The following CAMSAP2 variants were observed in gnomAD, a reference collection of about 807,000 sequenced individuals.
The protein encoded by CAMSAP2 is calmodulin-regulated spectrin-associated protein 2.
Under a neutral mutation model 146.1 loss-of-function variants are expected in CAMSAP2, and 26 were observed. The observed-to-expected ratio is 0.18, with a 90% CI of 0.13 to 0.25. The LOEUF (loss-of-function observed/expected upper bound fraction) is 0.25, where lower values mean the gene tolerates loss of function less well. Among genes scored for constraint, CAMSAP2 ranks in the 10% least tolerant of loss-of-function variants. CAMSAP2 has a pLI of 1.00. For missense variants in CAMSAP2, 1,381 were observed against 1,759.3 expected (o/e 0.78, Z 3.85); for synonymous variants, 499 against 596.6 (o/e 0.84, Z 2.38).
chr1:200,813,236 C>T (rs965206406), intron 3 of CAMSAP2, among the ~76,000 whole-genome samples: 1 of 152,200 alleles, frequency 6.6e-6, no homozygotes, highest in Non-Finnish European at 1.5e-5. Flanking sequence ...CTTCAACCCC[C>T]TTTATAAAGG....
rs1371767288 is a variant in CAMSAP2, at chr1:200,832,533, G to A, written c.788-173G>A. Reference sequence around the variant, plus strand: ...TTTATATATAATTCTGAGGGAGGTAGTTCAAAAAAAAATAGTGCTCGGTTT... The same window carrying A: ...TTTATATATAATTCTGAGGGAGGTAATTCAAAAAAAAATAGTGCTCGGTTT... On this transcript the variant is annotated intron_variant, in intron 5 of 16. Coordinates refer to ENST00000358823, the MANE Select transcript of CAMSAP2 (RefSeq NM_203459.4). This position sits in a 1 kb window ranked among gnomAD's most constrained non-coding sequence, Gnocchi z 4.2. Among the ~76,000 whole-genome samples, 1 of 151,598 alleles carries A rather than the reference G, an allele frequency of 6.6e-6. No homozygotes were observed. The highest frequency in any genetic ancestry group is 1.5e-5 in the Non-Finnish European group (1 of 67,894).
Position 200,853,685 on chromosome 1 carries a change from A to T in CAMSAP2, c.3823+190A>T, listed in dbSNP as rs1401564132. Reference sequence around the variant, plus strand: ...TTAAATGTATTATGTGTGCATGCATATATTCAGTAGAACAAATGTGAATGC... The same window carrying T: ...TTAAATGTATTATGTGTGCATGCATTTATTCAGTAGAACAAATGTGAATGC... On this transcript the variant is annotated intron_variant, in intron 13 of 16. Coordinates refer to ENST00000358823, the MANE Select transcript of CAMSAP2 (RefSeq NM_203459.4). The surrounding 1 kb of genome is among the most constrained non-coding windows in gnomAD (Gnocchi z 5.1). Among the ~76,000 whole-genome samples, 3 of 152,260 alleles carry T rather than the reference A, an allele frequency of 2.0e-5. No individual in the cohort carries two copies. The highest frequency in any genetic ancestry group is 4.4e-5 in the Non-Finnish European group (3 of 68,042).
intron 6 of CAMSAP2, among the ~76,000 whole-genome samples, chr1:200,837,087 T>C (rs1667204312): frequency 6.6e-6 from 1 of 152,188 alleles, no homozygotes; most frequent in South Asian, 2.1e-4. Context: ...AGAAGCTTTG[T>C]AGTTTAATTA....
Position 200,828,381 on chromosome 1 carries a change from T to C in CAMSAP2, c.646-3819T>C, listed in dbSNP as rs1000998000. On this transcript the variant is annotated intron_variant, in intron 4 of 16. Coordinates refer to ENST00000358823, the MANE Select transcript of CAMSAP2 (RefSeq NM_203459.4). ...GGGAGAGGAGAGAGACAGGAGAAGA[T>C]AGTGGTCTTTAGCATTAGGAACTTA... 4.6e-5 allele frequency among the ~76,000 whole-genome samples: 7 copies of C among 152,288 alleles called. No individual in the cohort carries two copies. In the East Asian group the frequency reaches 1.2e-3, roughly 25 times the overall value.
At position 200,859,608 on chromosome 1, in the gene CAMSAP2, G is replaced by A. The variant is rs747946440; in HGVS notation, c.*1549G>A. On this transcript the variant is annotated 3_prime_UTR_variant, in exon 17 of 17. Coordinates refer to ENST00000358823, the MANE Select transcript of CAMSAP2 (RefSeq NM_203459.4). ...GTTAAAACTGTAAAAAAATTTCACA[G>A]ATTTTTTTCCAATACCTGTGCAAGA... 5.3e-5 allele frequency: 8 copies of A among 152,178 alleles called. No individual in the cohort carries two copies. Among genetic ancestry groups the A allele is most frequent in the Non-Finnish European group, 8.8e-5 (6 of 67,886 alleles). The allele number at this position is 152,178 out of a possible 1,614,324, so 9.4% of individuals were successfully genotyped here. A position where few individuals can be genotyped will look rare whatever the true frequency, so the allele number is the denominator to read the frequency against.
At chr1:200,806,479 G>A (rs1183062500) in intron 2 of CAMSAP2, among the ~76,000 whole-genome samples, 1 of 152,140 alleles carries the variant, frequency 6.6e-6, no homozygotes, top group Non-Finnish European at 1.5e-5. Flanking sequence ...AGATAAGTTG[G>A]TGTAACCTTT....
intron 2 of CAMSAP2, among the ~76,000 whole-genome samples, chr1:200,788,585 T>C (rs1399109358): frequency 6.6e-6 from 1 of 152,158 alleles, no homozygotes; most frequent in African/African-American, 2.4e-5. Flanking sequence ...GACGTTCTAA[T>C]AGGTTTTAAT....
intron 2 of CAMSAP2, among the ~76,000 whole-genome samples, chr1:200,791,629 T>C (rs1159528176): frequency 6.6e-6 from 1 of 152,242 alleles, no homozygotes; most frequent in Non-Finnish European, 1.5e-5. Context: ...CTGTTATATT[T>C]ACAGTCTTAT....
intron 2 of CAMSAP2, among the ~76,000 whole-genome samples, chr1:200,772,005 C>T (rs927652415): frequency 6.6e-6 from 1 of 152,064 alleles, no homozygotes; most frequent in Admixed American, 6.6e-5. Flanking sequence ...AAAAGCCACC[C>T]ATTGACCATT....
At chr1:200,787,799 C>T (rs974894488) in intron 2 of CAMSAP2, among the ~76,000 whole-genome samples, 19 of 152,216 alleles carry the variant, frequency 1.2e-4, no homozygotes, top group South Asian at 2.1e-4. Context: ...CAAGAAATTG[C>T]CACAGCCATC....
At position 200,772,787 on chromosome 1, in the gene CAMSAP2, A is replaced by C. The variant is rs139960485; in HGVS notation, c.399+11689A>C. ...ACCAATAGCATCTATTTGTTTGAAA[A>C]GAGCTATGGAAATAATTTGTTGTAC... On this transcript the variant is annotated intron_variant, in intron 2 of 16. Coordinates refer to ENST00000358823, the MANE Select transcript of CAMSAP2 (RefSeq NM_203459.4). Among the ~76,000 whole-genome samples, 1,417 of 152,338 alleles carry C rather than the reference A, an allele frequency of 9.3e-3. 18 individuals are homozygous for C. Among genetic ancestry groups the C allele is most frequent in the Middle Eastern group, 0.027 (8 of 294 alleles).
Position 200,832,611 on chromosome 1 carries a change from C to A in CAMSAP2, c.788-95C>A. The A allele has an allele frequency of 1.9e-6, 2 of 1,064,578 alleles. No individual in the cohort carries two copies. The highest frequency in any genetic ancestry group is 2.6e-6 in the Non-Finnish European group (2 of 764,394). The allele number at this position is 1,064,578 out of a possible 1,614,324, so 65.9% of individuals were successfully genotyped here. Reference sequence around the variant, plus strand: ...TATTTATAAATGTATGTTTGTTAACCAGAATTGTGTATTTGTACTAATTAC... The same window carrying A: ...TATTTATAAATGTATGTTTGTTAACAAGAATTGTGTATTTGTACTAATTAC... On this transcript the variant is annotated intron_variant, in intron 5 of 16. Transcript: ENST00000358823. This position sits in a 1 kb window ranked among gnomAD's most constrained non-coding sequence, Gnocchi z 4.2.
At chr1:200,820,119 G>A (rs1333425003) in intron 4 of CAMSAP2, among the ~76,000 whole-genome samples, 2 of 151,646 alleles carry the variant, frequency 1.3e-5, no homozygotes, top group Admixed American at 1.3e-4. Flanking sequence ...GGAGGGCAGA[G>A]GCATGATCTC....
intron 2 of CAMSAP2, among the ~76,000 whole-genome samples, chr1:200,780,528 C>T (rs1262465958): frequency 6.6e-6 from 1 of 152,206 alleles, no homozygotes; most frequent in Non-Finnish European, 1.5e-5. Context: ...ACCAGATCTA[C>T]AATTCCTGAT....
chr1:200,781,588 T>C (rs764764058), intron 2 of CAMSAP2, among the ~76,000 whole-genome samples: 2 of 152,050 alleles, frequency 1.3e-5, no homozygotes, highest in Admixed American at 6.6e-5. Context: ...GTTGCTCAGC[T>C]TGAAGTGCAG....
chr1:200,752,817 C>A (rs1165446520), intron 1 of CAMSAP2, among the ~76,000 whole-genome samples: 2 of 151,928 alleles, frequency 1.3e-5, no homozygotes, highest in Non-Finnish European at 2.9e-5. Flanking sequence ...CGGGGTTTTG[C>A]CGTGTTAGCC....
chr1:200,822,722 T>C (rs188716596), intron 4 of CAMSAP2, among the ~76,000 whole-genome samples: 1 of 152,286 alleles, frequency 6.6e-6, no homozygotes, highest in East Asian at 1.9e-4. Flanking sequence ...CCTCAGATAG[T>C]ACTGTATCTA....
At chr1:200,783,263 T>G (rs1665490902) in intron 2 of CAMSAP2, among the ~76,000 whole-genome samples, 1 of 152,238 alleles carries the variant, frequency 6.6e-6, no homozygotes, top group South Asian at 2.1e-4. Flanking sequence ...CCTTGTGGTT[T>G]TATTTTGCAT....
At chr1:200,851,755 G>A in intron 11 of CAMSAP2, among the ~76,000 whole-genome samples, 1 of 152,170 alleles carries the variant, frequency 6.6e-6, no homozygotes, top group East Asian at 1.9e-4. Flanking sequence ...ACACTATGTT[G>A]TGAGTATGTT....
Sources: allele counts gnomAD v4.1 joint callset (sites outside exome capture counted in the v4.1 genomes callset), GRCh38; gene constraint gnomAD v4.1.1; non-coding constraint Gnocchi (gnomAD v3.1); transcripts MANE v1.5; gene names NCBI Gene and HGNC (gene_info 2026-07-23, HGNC 2026-07-21).